Variants in IQANK1 observed in about 807,000 individuals in gnomAD.
IQANK1 encodes the protein IQ motif and ankyrin repeat domain-containing protein 1.
Under a neutral mutation model 22.6 loss-of-function variants are expected in IQANK1, and 30 were observed. The ratio of observed to expected loss-of-function variants is 1.33; its 90% CI spans 0.99 to 1.80. IQANK1 has a LOEUF of 1.80. Among genes scored for constraint, IQANK1 ranks in the 40% most tolerant of loss-of-function variants. The pLI, the probability that IQANK1 is intolerant of heterozygous loss-of-function variation, is 0.00. For synonymous variants in IQANK1, 122 were observed against 99.6 expected, an observed-to-expected ratio of 1.23 and a Z score of -1.34; for missense variants, 275 against 235.2, an observed-to-expected ratio of 1.17 and a Z score of -1.11.
chr8:143,766,596 G>A (rs181840788), intron 3 of IQANK1, among the ~76,000 whole-genome samples: 8 of 152,160 alleles, frequency 5.3e-5, no homozygotes, highest in African/African-American at 1.4e-4. Flanking sequence ...GCTTGAACCC[G>A]GGAGGTGGAG....
At chr8:143,782,948 A>G (rs1386010679) in intron 7 of IQANK1, among the ~76,000 whole-genome samples, 1 of 152,186 alleles carries the variant, frequency 6.6e-6, no homozygotes, top group Non-Finnish European at 1.5e-5. Flanking sequence ...GTTCTTTGGT[A>G]TCTGGCTTCT....
At chr8:143,742,179 G>A (rs1342621535) in intron 3 of IQANK1, 1 of 358,470 alleles carries the variant, frequency 2.8e-6, no homozygotes, top group African/African-American at 2.1e-5. Context: ...CATCACCACT[G>A]TCCCGGGCTC....
Position 143,742,040 on chromosome 8 carries a change from C to A in IQANK1, c.175+2092C>A, listed in dbSNP as rs181087536. 2.0e-5 allele frequency: 6 copies of A among 294,740 alleles called. No individual in the cohort carries two copies. The Admixed American group carries it at 2.1e-4, about 10-fold the overall frequency. 18.3% of individuals were successfully genotyped at this position (294,740 alleles called of 1,614,324 possible). On this transcript the variant is annotated intron_variant, in intron 3 of 13. Transcript: ENST00000527139. ...GTCCATGGTGCAGTCGTGATGTCCA[C>A]GAGCCTGTCTGTGCCCTCGCTGCGG...
intron 3 of IQANK1, among the ~76,000 whole-genome samples, chr8:143,766,044 T>A (rs1819475415): frequency 6.6e-6 from 1 of 152,174 alleles, no homozygotes; most frequent in South Asian, 2.1e-4. Context: ...CCCACAGCAG[T>A]GTAGGGACCG....
rs1554630729 is a variant in IQANK1 at position 143,778,986 on chromosome 8, C to T, written c.789+6504C>T. 3.9e-5 allele frequency among the ~76,000 whole-genome samples: 6 copies of T among 152,152 alleles called. No individual in the cohort carries two copies. The South Asian group carries it at 8.3e-4, about 21-fold the overall frequency. On this transcript the variant is annotated intron_variant, in intron 7 of 13. Coordinates refer to ENST00000527139, the MANE Select transcript of IQANK1 (RefSeq NM_001381874.1). ...TTTTGCCATGTTGGCCAGCTGGTTT[C>T]GAACTCCTGACCTCAGGTGGGCTGC...
intron 3 of IQANK1, among the ~76,000 whole-genome samples, chr8:143,756,571 G>C (rs1346570637): frequency 6.6e-6 from 1 of 152,072 alleles, no homozygotes; most frequent in African/African-American, 2.4e-5. Context: ...GGCTTGGTGG[G>C]TCTGGTGCCA....
chr8:143,772,806 G>A (rs1175438583), intron 7 of IQANK1, among the ~76,000 whole-genome samples: 2 of 152,226 alleles, frequency 1.3e-5, no homozygotes, highest in Non-Finnish European at 2.9e-5. Flanking sequence ...ATTTCCTTCC[G>A]TGCTTTGCCT....
intron 3 of IQANK1, among the ~76,000 whole-genome samples, chr8:143,756,522 G>A (rs1370886239): frequency 6.6e-6 from 1 of 151,902 alleles, no homozygotes; most frequent in East Asian, 1.9e-4. Flanking sequence ...CATGGTACTC[G>A]GTGTACCATG....
In IQANK1 at chr8:143,735,415, T is replaced by C. The variant is rs1270147681; in HGVS notation, c.-4-435T>C. 6.6e-6 allele frequency among the ~76,000 whole-genome samples: 1 copy of C among 152,006 alleles called. No homozygotes were observed. Among genetic ancestry groups the C allele is most frequent in the Non-Finnish European group, 1.5e-5 (1 of 67,998 alleles). ...GCCTTGGGTGGGCTGGGGAGCAGGC[T>C]CAGGGGTGGGCTGGCTTCCCAGGGC... On this transcript the variant is annotated intron_variant, in intron 1 of 13. Transcript: ENST00000527139. The surrounding 1 kb of genome is among the most constrained non-coding windows in gnomAD (Gnocchi z 5.2).
intron 3 of IQANK1, chr8:143,745,023 A>G (rs185913375): frequency 6.9e-6 from 1 of 144,830 alleles, no homozygotes; most frequent in Admixed American, 7.0e-5. Context: ...GTACCCCTCT[A>G]TGTTGGTGAC....
At chr8:143,778,067 C>T (rs549749418) in intron 7 of IQANK1, among the ~76,000 whole-genome samples, 5 of 152,144 alleles carry the variant, frequency 3.3e-5, no homozygotes, top group African/African-American at 4.8e-5. Context: ...TCGTAGCGGG[C>T]GCCTGTAGTC....
chr8:143,789,101 G>C (rs1343201580), intron 8 of IQANK1, 38 bp downstream of exon 8: 1 of 401,718 alleles, frequency 2.5e-6, no homozygotes, highest in Non-Finnish European at 4.4e-6. Context: ...AGGGGTGCTG[G>C]CAAGGGGCGC....
chr8:143,770,025 C>T (rs1255005409), intron 3 of IQANK1, among the ~76,000 whole-genome samples: 4 of 152,222 alleles, frequency 2.6e-5, no homozygotes, highest in East Asian at 3.9e-4. Context: ...TTGCCGGAAC[C>T]GGGGAAGTGG....
chr8:143,788,936 G>A lies in IQANK1; in HGVS notation c.811G>A (p.Val271Met), dbSNP rs1016773342. 1.5e-5 allele frequency: 6 copies of A among 399,228 alleles called. No individual in the cohort carries two copies. Among genetic ancestry groups the A allele is most frequent in the Middle Eastern group, 6.3e-4 (1 of 1,588 alleles). The allele number at this position is 399,228 out of a possible 1,614,324, so 24.7% of individuals were successfully genotyped here. ...PERVASLDTV[V>M]SVLRSWDLSL... is the part of the protein sequence containing the mutation. ...CTAGGTGGCCTCACTGGACACAGTG[G>A]TGAGCGTGCTGCGCTCGTGGGACCT... The change falls in exon 8 of 14, where the codon GTG becomes ATG. Residue 271 changes from valine to methionine, a missense_variant. Transcript: ENST00000527139.
At chr8:143,761,768 G>A (rs1015963179) in intron 3 of IQANK1, among the ~76,000 whole-genome samples, 4 of 151,190 alleles carry the variant, frequency 2.6e-5, no homozygotes, top group African/African-American at 9.7e-5. Flanking sequence ...CTATATGTAA[G>A]GTTTTACAAA....
chr8:143,776,203 C>A (rs1472882418), intron 7 of IQANK1, among the ~76,000 whole-genome samples: 1 of 151,760 alleles, frequency 6.6e-6, no homozygotes, highest in East Asian at 1.9e-4. Context: ...CGCCTGTAGT[C>A]CCAGCTACTC....
chr8:143,789,783 A>T lies in IQANK1; in HGVS notation c.1109A>T (p.Gln370Leu). 1.6e-6 allele frequency: 2 copies of T among 1,232,148 alleles called. No individual in the cohort carries two copies. The highest frequency in any genetic ancestry group is 2.0e-6 in the Non-Finnish European group (2 of 988,102). 76.3% of individuals were successfully genotyped at this position (1,232,148 alleles called of 1,614,324 possible). ...CAGGCCATCAAGGACACAGAGGCCC[A>T]GGTGGACAGGCTGCGGCAGGAGGCC... ...TLQAIKDTEA[Q>L]VDRLRQEAQK... Residue 370 changes from glutamine (Q) to leucine (L), a missense_variant, in exon 11 of 14, where the codon CAG (glutamine) becomes CTG (leucine). Transcript: ENST00000527139.
At chr8:143,762,416 G>A (rs762071930) in intron 3 of IQANK1, among the ~76,000 whole-genome samples, 1 of 152,162 alleles carries the variant, frequency 6.6e-6, no homozygotes, top group Non-Finnish European at 1.5e-5. Flanking sequence ...CAGGAGCCAG[G>A]CCCTGTTTGG....
At chr8:143,762,926 A>ACCCT (rs562819728) in intron 3 of IQANK1, among the ~76,000 whole-genome samples, 36 of 145,592 alleles carry the variant, frequency 2.5e-4, no homozygotes, top group African/African-American at 7.6e-4. Flanking sequence ...GAAATTCATG[A>ACCCT]CCCTCCCTCT....
Sources: allele counts gnomAD v4.1 joint callset (sites outside exome capture counted in the v4.1 genomes callset), GRCh38; gene constraint gnomAD v4.1.1; non-coding constraint Gnocchi (gnomAD v3.1); transcripts MANE v1.5; gene names NCBI Gene and HGNC (gene_info 2026-07-23, HGNC 2026-07-21).